The following TBCD variants were observed in gnomAD, a reference collection of about 807,000 sequenced individuals.
TBCD encodes tubulin folding cofactor D, also known as tubulin-specific chaperone D.
In TBCD, 105 loss-of-function variants were observed where a neutral mutation model predicts 169.3. That is an observed-to-expected ratio of 0.62 (90% CI 0.53 to 0.73). The LOEUF (loss-of-function observed/expected upper bound fraction) is 0.73. Ranked by LOEUF, TBCD falls within the 30% of genes least tolerant of loss-of-function variation. TBCD has a pLI of 0.00. For missense variants in TBCD, 1,444 were observed against 1,600.1 expected (o/e 0.90, Z 1.66); for synonymous variants, 700 against 643.9 (o/e 1.09, Z -1.32).
intron 7 of TBCD, among the ~76,000 whole-genome samples, chr17:82,792,356 T>C (rs202140078): frequency 4.2e-4 from 53 of 126,250 alleles, no homozygotes; most frequent in Middle Eastern, 3.9e-3. Flanking sequence ...TATACATGTG[T>C]GCACACACAC....
At chr17:82,849,912 GCTGTTGTTGGCTGTT>G (rs2055512935) in intron 13 of TBCD, among the ~76,000 whole-genome samples, 6 of 151,572 alleles carry the variant, frequency 4.0e-5, no homozygotes, top group Non-Finnish European at 5.9e-5. Context: ...TGTTGGCTGT[GCTGTTGTTGGCTGTT>G]TTGCTGTTGG....
intron 6 of TBCD, among the ~76,000 whole-genome samples, chr17:82,777,720 C>T (rs549234095): frequency 1.6e-4 from 25 of 152,342 alleles, no homozygotes; most frequent in Admixed American, 1.1e-3. Flanking sequence ...AGACTAGGAG[C>T]GTGACCACTG....
chr17:82,850,449 T>TGGC (rs2055680086), intron 13 of TBCD, among the ~76,000 whole-genome samples: 28 of 140,124 alleles, frequency 2.0e-4, no homozygotes, highest in African/African-American at 4.5e-4. Flanking sequence ...GCTGTGCTGT[T>TGGC]TTGCTGTTGG....
In TBCD at chr17:82,763,962, T is replaced by G. The variant is rs1035814479; in HGVS notation, c.236-3T>G. On this transcript the variant is annotated splice_polypyrimidine_tract_variant and splice_region_variant and intron_variant, in intron 2 of 38. Transcript: ENST00000355528. ...AGTAAATGTTTCCTATGTTTTTCCC[T>G]AGAATGGATGATGAACTTGTTGTTG... The G allele has an allele frequency of 6.2e-7, 1 of 1,612,834 alleles. No individual in the cohort carries two copies. Among genetic ancestry groups the G allele is most frequent in the African/African-American group, 1.3e-5 (1 of 74,904 alleles).
chr17:82,879,614 C>T (rs998083889), intron 14 of TBCD, among the ~76,000 whole-genome samples: 8 of 152,162 alleles, frequency 5.3e-5, no homozygotes, highest in African/African-American at 7.2e-5. Context: ...ACGTCTGCCG[C>T]TTCCCTCTGT....
At chr17:82,927,112 A>C (rs777508112) in intron 28 of TBCD, 74 bp from the exon 29 acceptor site, 40 of 1,590,478 alleles carry the variant, frequency 2.5e-5, no homozygotes, top group Non-Finnish European at 3.2e-5. Context: ...TCAGGAACAC[A>C]CATCAGCCCT....
intron 16 of TBCD, among the ~76,000 whole-genome samples, chr17:82,892,123 C>G (rs2059183987): frequency 6.6e-6 from 1 of 152,120 alleles, no homozygotes; most frequent in Non-Finnish European, 1.5e-5. Context: ...CTAGCCTGGC[C>G]AGACAGAGCC....
intron 7 of TBCD, among the ~76,000 whole-genome samples, chr17:82,788,398 C>T (rs1365234179): frequency 6.6e-6 from 1 of 151,960 alleles, no homozygotes; most frequent in Non-Finnish European, 1.5e-5. Context: ...TGGGAGGCGG[C>T]GGCGGGGCTG....
intron 14 of TBCD, chr17:82,877,073 CAAAT>C (rs2058028291): frequency 1.4e-6 from 1 of 731,260 alleles, no homozygotes; most frequent in Non-Finnish European, 1.7e-6. Flanking sequence ...GTAATTTAAA[CAAAT>C]AACACATTTC....
intron 3 of TBCD, among the ~76,000 whole-genome samples, chr17:82,764,274 A>G (rs1031775945): frequency 1.3e-5 from 2 of 152,210 alleles, no homozygotes; most frequent in Admixed American, 1.3e-4. Flanking sequence ...AGCATCTTGC[A>G]TTTGAATAGA....
rs544263509 is a variant in TBCD, at chr17:82,825,922, C to T, written c.1318+10988C>T. Among the ~76,000 whole-genome samples, 10 of 152,304 alleles carry T rather than the reference C, an allele frequency of 6.6e-5. No individual in the cohort carries two copies. The East Asian group carries it at 1.2e-3, about 18-fold the overall frequency. ...TTGAGGCTGCAGTGAGCTGTGATCG[C>T]GCCACTGCACTCCGGCCTGGGCCAG... On this transcript the variant is annotated intron_variant, in intron 13 of 38. Transcript: ENST00000355528.
intron 12 of TBCD, among the ~76,000 whole-genome samples, chr17:82,811,494 G>A (rs1418114012): frequency 6.6e-6 from 1 of 152,194 alleles, no homozygotes; most frequent in Non-Finnish European, 1.5e-5. Flanking sequence ...TTCTGGGACG[G>A]GGTGGCCTTT....
chr17:82,937,281 G>C lies in TBCD; in HGVS notation c.3202G>C (p.Ala1068Pro), dbSNP rs1469606569. Residue 1068 changes from alanine to proline, a missense_variant, in exon 35 of 39, where the codon GCT (alanine) becomes CCT (proline). Coordinates refer to ENST00000355528, the MANE Select transcript of TBCD (RefSeq NM_005993.5). ...GTGTTGTTCTTCCAGCCACCCCTTT[G>C]CTGTGAAGTTGCTTGCGCTCTGTAA... is the stretch of plus-strand genomic sequence containing the variant. ...IFTTEEDHPF[A>P]VKLLALCKKE... 6.2e-7 allele frequency: 1 copy of C among 1,614,056 alleles called. No homozygotes were observed. The highest frequency in any genetic ancestry group is 8.5e-7 in the Non-Finnish European group (1 of 1,179,886).
chr17:82,861,616 A>C (rs552617459), intron 13 of TBCD, among the ~76,000 whole-genome samples: 9 of 152,224 alleles, frequency 5.9e-5, no homozygotes, highest in African/African-American at 1.7e-4. Flanking sequence ...TGTCCATTGG[A>C]GCTGCAGCTT....
At chr17:82,901,496 G>A (rs1179572149) in intron 18 of TBCD, among the ~76,000 whole-genome samples, 1 of 150,346 alleles carries the variant, frequency 6.7e-6, no homozygotes, top group Non-Finnish European at 1.5e-5. Context: ...TGGTCCTGCT[G>A]CCTGGGGAGC....
At chr17:82,813,475 G>A (rs1022965418) in intron 12 of TBCD, among the ~76,000 whole-genome samples, 1 of 152,108 alleles carries the variant, frequency 6.6e-6, no homozygotes, top group African/African-American at 2.4e-5. Flanking sequence ...CGGTTCCACT[G>A]TGCCGTGGTG....
chr17:82,780,347 A>G (rs2048865360), intron 6 of TBCD, among the ~76,000 whole-genome samples: 1 of 152,030 alleles, frequency 6.6e-6, no homozygotes, highest in Non-Finnish European at 1.5e-5. Context: ...GTTTCTCTCC[A>G]GAGTGTCAGC....
intron 12 of TBCD, among the ~76,000 whole-genome samples, chr17:82,810,651 C>T (rs907201384): frequency 9.9e-5 from 15 of 152,208 alleles, no homozygotes; most frequent in African/African-American, 3.6e-4. Flanking sequence ...TGTGACCTCC[C>T]CAGGGAATTC....
At chr17:82,825,727 A>G (rs143957493) in intron 13 of TBCD, among the ~76,000 whole-genome samples, 58 of 152,362 alleles carry the variant, frequency 3.8e-4, no homozygotes, top group Non-Finnish European at 7.9e-4. Context: ...GAGTATTGTC[A>G]TTTTAAAATA....
Sources: allele counts gnomAD v4.1 joint callset (sites outside exome capture counted in the v4.1 genomes callset), GRCh38; gene constraint gnomAD v4.1.1; transcripts MANE v1.5; gene names NCBI Gene and HGNC (gene_info 2026-07-23, HGNC 2026-07-21).